PPL: variants seen among roughly 807,000 people sequenced by gnomAD.
PPL encodes the protein 190 kDa paraneoplastic pemphigus antigen.
A neutral mutation model predicts 194.4 loss-of-function variants in PPL; 198 were observed. That is an observed-to-expected ratio of 1.02 (90% CI 0.91 to 1.15). The LOEUF (loss-of-function observed/expected upper bound fraction) is 1.15, where lower values mean the gene tolerates loss of function less well. Ranked by LOEUF, PPL falls within the 50% of genes most tolerant of loss-of-function variation. PPL has a pLI of 0.00. For missense variants in PPL, 2,885 were observed against 2,294.8 expected (o/e 1.26, Z -5.25); for synonymous variants, 1,220 against 972.4 (o/e 1.25, Z -4.74).
chr16:4,885,080 C>A lies in PPL; in HGVS notation c.3575G>T (p.Arg1192Leu). Residue 1192 changes from arginine (R) to leucine (L), a missense_variant, in exon 22 of 22, where the codon CGC (arginine) becomes CTC (leucine). Arg to Leu is a moderately radical substitution (Grantham distance 102). Coordinates refer to ENST00000345988, the MANE Select transcript of PPL (RefSeq NM_002705.5). The surrounding 1 kb of genome is among the most constrained non-coding windows in gnomAD (Gnocchi z 6.3). ...PKAESEVANL[R>L]LELVEQERKY... ...TCGCTCCTGCTCCACAAGCTCCAGGCGGAGGTTCGCCACTTCACTTTCCGC... is the reference window on the plus strand; with the variant it reads ...TCGCTCCTGCTCCACAAGCTCCAGGAGGAGGTTCGCCACTTCACTTTCCGC... The A allele has an allele frequency of 1.2e-6, 2 of 1,613,706 alleles. No homozygotes were observed. Among genetic ancestry groups the A allele is most frequent in the Non-Finnish European group, 1.7e-6 (2 of 1,180,016 alleles).
chr16:4,895,509 G>A, intron 10 of PPL, 85 bp downstream of exon 10: 1 of 1,603,830 alleles, frequency 6.2e-7, no homozygotes, highest in South Asian at 1.1e-5. Context: ...GTGCTGTGGA[G>A]GGGCCTGTAC....
At chr16:4,925,904 G>A (rs1318868422) in intron 1 of PPL, among the ~76,000 whole-genome samples, 2 of 152,228 alleles carry the variant, frequency 1.3e-5, no homozygotes, top group African/African-American at 4.8e-5. Flanking sequence ...GGGAAGCAGA[G>A]TGATTTACAG....
At chr16:4,908,882 G>A (rs2088759428) in intron 2 of PPL, among the ~76,000 whole-genome samples, 1 of 152,206 alleles carries the variant, frequency 6.6e-6, no homozygotes, top group South Asian at 2.1e-4. Flanking sequence ...TATCCATCGT[G>A]AAATGTGTGT....
intron 6 of PPL, among the ~76,000 whole-genome samples, 192 bp from the exon 7 acceptor site, chr16:4,899,576 CTCAT>C (rs71139663): frequency 0.81 from 122,608 of 151,358 alleles, 50,098 homozygotes; most frequent in East Asian, 0.95. Context: ...ACCCCTGAAA[CTCAT>C]TCATTCATTC....
chr16:4,914,557 G>A (rs1473323359), intron 1 of PPL, among the ~76,000 whole-genome samples: 1 of 152,174 alleles, frequency 6.6e-6, no homozygotes, highest in Non-Finnish European at 1.5e-5. Flanking sequence ...GAGGGAACAG[G>A]ACCCAAGCCA....
rs772196680 is a variant in PPL, at chr16:4,885,888, AG to A, written c.2766del (p.Leu923Ter). On this transcript the variant is annotated frameshift_variant, in exon 22 of 22. Transcript: ENST00000345988. LOFTEE classifies it high-confidence loss of function. This position sits in a 1 kb window ranked among gnomAD's most constrained non-coding sequence, Gnocchi z 6.3. ...GATTCCTGAGGCCCCTGATTCCTCA[AG>A]GTCCAGATTTCTTCCTGGGTGCTCT... Reference protein sequence around the residue: ...EVKSTQEEIWTLRNQGPQESV... With the variant: ...EVKSTQEEIWXLRNQGPQESV... 2.3e-5 allele frequency: 37 copies of A among 1,610,094 alleles called. No individual in the cohort carries two copies. Among genetic ancestry groups the A allele is most frequent in the Non-Finnish European group, 3.0e-5 (35 of 1,180,014 alleles).
In PPL at chr16:4,902,675, A is replaced by G; in HGVS notation, c.318-149T>C. 1.3e-6 allele frequency: 1 copy of G among 747,134 alleles called. No individual in the cohort carries two copies. Among genetic ancestry groups the G allele is most frequent in the Non-Finnish European group, 2.0e-6 (1 of 511,926 alleles). The allele number at this position is 747,134 out of a possible 1,614,324, so 46.3% of individuals were successfully genotyped here. A position where few individuals can be genotyped will look rare whatever the true frequency, so the allele number is the denominator to read the frequency against. On this transcript the variant is annotated intron_variant, in intron 3 of 21. Coordinates refer to ENST00000345988, the MANE Select transcript of PPL (RefSeq NM_002705.5). This position sits in a 1 kb window ranked among gnomAD's most constrained non-coding sequence, Gnocchi z 4.0. ...TTCCAGACAATCACAGCATCCTCTCACCCCTCCTCCCATGCACTTTTTTTT... is the reference window on the plus strand; with the variant it reads ...TTCCAGACAATCACAGCATCCTCTCGCCCCTCCTCCCATGCACTTTTTTTT...
At chr16:4,928,647 G>T in intron 1 of PPL, among the ~76,000 whole-genome samples, 1 of 152,210 alleles carries the variant, frequency 6.6e-6, no homozygotes, top group East Asian at 1.9e-4. Context: ...CCATCGAAGG[G>T]TGGGAAAGGA....
chr16:4,907,308 TCACACACA>T (rs56210938), intron 2 of PPL, among the ~76,000 whole-genome samples: 2,586 of 145,710 alleles, frequency 0.018, 83 homozygotes, highest in African/African-American at 0.056. Flanking sequence ...ATATCTAATC[TCACACACA>T]CACACACACA....
At chr16:4,923,800 G>A (rs956069239) in intron 1 of PPL, among the ~76,000 whole-genome samples, 5 of 152,076 alleles carry the variant, frequency 3.3e-5, no homozygotes, top group Non-Finnish European at 5.9e-5. Flanking sequence ...ATAAATGAAA[G>A]CGCTTTGGGT....
In PPL at chr16:4,885,219, C is replaced by T. The variant is rs1306786728; in HGVS notation, c.3436G>A (p.Ala1146Thr). ...QYEDEAAKAR[A>T]SQREKTELLR... is the part of the protein sequence containing the mutation. Reference sequence around the variant, plus strand: ...AGCTCCGTCTTCTCCCTCTGGCTAGCGCGAGCCTTGGCAGCCTCGTCCTCA... The same window carrying T: ...AGCTCCGTCTTCTCCCTCTGGCTAGTGCGAGCCTTGGCAGCCTCGTCCTCA... The change falls in exon 22 of 22, where the codon GCT (alanine) becomes ACT (threonine). Residue 1146 changes from alanine (A) to threonine (T), a missense_variant. Coordinates refer to ENST00000345988, the MANE Select transcript of PPL (RefSeq NM_002705.5). This position sits in a 1 kb window ranked among gnomAD's most constrained non-coding sequence, Gnocchi z 6.3. 17 of 1,613,900 alleles carry T rather than the reference C, an allele frequency of 1.1e-5. No homozygotes were observed. Among genetic ancestry groups the T allele is most frequent in the African/African-American group, 2.7e-5 (2 of 74,918 alleles).
intron 12 of PPL, chr16:4,893,852 A>C (rs1041015391): frequency 1.7e-6 from 1 of 572,784 alleles, no homozygotes; most frequent in Non-Finnish European, 3.1e-6. Flanking sequence ...AGGAAGTCTC[A>C]CTACCTAAAA....
intron 9 of PPL, among the ~76,000 whole-genome samples, chr16:4,896,826 G>A (rs1432813854): frequency 6.6e-6 from 1 of 151,626 alleles, no homozygotes; most frequent in African/African-American, 2.4e-5. Context: ...GTAGAGATGG[G>A]GTTTCATCAT....
intron 1 of PPL, among the ~76,000 whole-genome samples, chr16:4,918,484 T>A (rs1310540967): frequency 1.3e-5 from 2 of 152,066 alleles, no homozygotes; most frequent in Non-Finnish European, 2.9e-5. Context: ...AAGTCACATA[T>A]ATATTAGCTC....
In PPL at chr16:4,934,661, G is replaced by T. The variant is rs141013603; in HGVS notation, c.62+2323C>A. ...CCCCAGACAATGGAGCGGGCCCCTG[G>T]AAAACTCAGAGTGAAGGAATAACTT... On this transcript the variant is annotated intron_variant, in intron 1 of 21. Transcript: ENST00000345988. Among the ~76,000 whole-genome samples the T allele has an allele frequency of 2.6e-5, 4 of 152,178 alleles. No individual in the cohort carries two copies. The South Asian group carries it at 8.3e-4, about 32-fold the overall frequency.
At position 4,894,485 on chromosome 16, in the gene PPL, G is replaced by C; in HGVS notation, c.1376C>G (p.Ala459Gly). 1 of 1,613,884 alleles carries C rather than the reference G, an allele frequency of 6.2e-7. No homozygotes were observed. Among genetic ancestry groups the C allele is most frequent in the Non-Finnish European group, 8.5e-7 (1 of 1,179,978 alleles). ...CFVIPPTDPE[A>G]LALADSLGSQ... is the part of the protein sequence containing the mutation. ...CTTGTACCTGTCAGCCAGAGCCAGG[G>C]CCTCAGGGTCTGTGGGGGGGATCAC... Residue 459 changes from alanine to glycine, a missense_variant, in exon 12 of 22, where the codon GCC becomes GGC. Transcript: ENST00000345988.
At chr16:4,931,623 C>T (rs1337581990) in intron 1 of PPL, among the ~76,000 whole-genome samples, 1 of 152,170 alleles carries the variant, frequency 6.6e-6, no homozygotes, top group African/African-American at 2.4e-5. Context: ...CGGCACAGAC[C>T]TGCCGGGAGC....
Position 4,885,872 on chromosome 16 carries a change from G to A in PPL, c.2783C>T (p.Pro928Leu). 1 of 1,608,974 alleles carries A rather than the reference G, an allele frequency of 6.2e-7. No homozygotes were observed. Residue 928 changes from proline to leucine, a missense_variant, in exon 22 of 22, where the codon CCT (proline) becomes CTT (leucine). Coordinates refer to ENST00000345988, the MANE Select transcript of PPL (RefSeq NM_002705.5). This position sits in a 1 kb window ranked among gnomAD's most constrained non-coding sequence, Gnocchi z 6.3. ...CTCCTTCCTCACCACCGATTCCTGAGGCCCCTGATTCCTCAAGGTCCAGAT... is the reference window on the plus strand; with the variant it reads ...CTCCTTCCTCACCACCGATTCCTGAAGCCCCTGATTCCTCAAGGTCCAGAT... ...EEIWTLRNQG[P>L]QESVVRKEVL...
At chr16:4,932,961 C>A (rs531258655) in intron 1 of PPL, among the ~76,000 whole-genome samples, 1 of 151,738 alleles carries the variant, frequency 6.6e-6, no homozygotes, top group African/African-American at 2.4e-5. Context: ...GAGCTGCGGC[C>A]TGAACTCATG....
Sources: gnomAD v4.1 joint callset for allele counts (sites outside exome capture counted in the v4.1 genomes callset) on GRCh38, gnomAD v4.1.1 for gene constraint, Gnocchi (gnomAD v3.1) non-coding constraint, MANE v1.5 for transcripts, NCBI Gene and HGNC (gene_info 2026-07-23, HGNC 2026-07-21) for gene names.